ZNF552: variants seen among roughly 807,000 people sequenced by gnomAD.
ZNF552 encodes zinc finger protein 552.
ZNF552 carries 2 observed loss-of-function variants against 7.2 expected under a neutral mutation model. That is an observed-to-expected ratio of 0.28 (90% CI 0.11 to 0.88). ZNF552 has a LOEUF of 0.88. ZNF552 is among the 40% of genes least tolerant of loss of function. The probability of loss-of-function intolerance (pLI) is 0.60; values close to 1 mark genes in which losing one functional copy is unlikely to be tolerated. For synonymous variants in ZNF552, 173 were observed against 176.5 expected, an observed-to-expected ratio of 0.98 and a Z score of 0.16; for missense variants, 421 against 493.4, an observed-to-expected ratio of 0.85 and a Z score of 1.39.
Position 57,814,907 on chromosome 19 carries a change from C to T in ZNF552, c.-164G>A. The T allele has an allele frequency of 1.3e-6, 1 of 748,556 alleles. No individual in the cohort carries two copies. 46.4% of individuals were successfully genotyped at this position (748,556 alleles called of 1,614,324 possible). A position where few individuals can be genotyped will look rare whatever the true frequency, so the allele number is the denominator to read the frequency against. ...ACTCCCTAACGCCAATGGAAATGGT[C>T]GCTACTAAAGGGCGCCGGGAGTCCC... On this transcript the variant is annotated 5_prime_UTR_variant, in exon 1 of 3. Transcript: ENST00000391701.
chr19:57,811,383 C>T (rs1488802876), intron 2 of ZNF552, among the ~76,000 whole-genome samples: 2 of 152,008 alleles, frequency 1.3e-5, no homozygotes, highest in African/African-American at 2.4e-5. Context: ...ACCGTGGTCT[C>T]AATCTCCTGA....
At chr19:57,813,158 A>G (rs1987888739) in intron 2 of ZNF552, 136 bp downstream of exon 2, 9 of 1,435,522 alleles carry the variant, frequency 6.3e-6, no homozygotes, top group Non-Finnish European at 8.4e-6. Context: ...CAGTATGCAT[A>G]CCTCAGTCCT....
chr19:57,812,437 C>T (rs1987875155), intron 2 of ZNF552, among the ~76,000 whole-genome samples: 1 of 151,836 alleles, frequency 6.6e-6, no homozygotes, highest in South Asian at 2.1e-4. Flanking sequence ...AGAAGATGAT[C>T]CCACCACCAA....
At position 57,808,197 on chromosome 19, in the gene ZNF552, T is replaced by C; in HGVS notation, c.1067A>G (p.Glu356Gly). The change falls in exon 3 of 3, where the codon GAA becomes GGA. Residue 356 changes from glutamate (E) to glycine (G), a missense_variant. By Grantham distance (98) the Glu-to-Gly change is moderately conservative (BLOSUM62 -2). This residue lies in a region of ZNF552 where 299 missense variants were observed against 293.7 expected (regional missense o/e 1.02). Transcript: ENST00000391701. Reference sequence around the variant, plus strand: ...GCTTTCGGCAAAAGATTTCCCACATTCACTGCACTCATAAGGCTTCTGACC... The same window carrying C: ...GCTTTCGGCAAAAGATTTCCCACATCCACTGCACTCATAAGGCTTCTGACC... ...HTGQKPYECS[E>G]CGKSFAESSS... The C allele has an allele frequency of 6.2e-7, 1 of 1,614,134 alleles. No homozygotes were observed. Among genetic ancestry groups the C allele is most frequent in the African/African-American group, 1.3e-5 (1 of 75,026 alleles).
rs1987872119 is a variant in ZNF552, at chr19:57,812,227, C to G, written c.160+1067G>C. Among the ~76,000 whole-genome samples, 4 of 151,706 alleles carry G rather than the reference C, an allele frequency of 2.6e-5. No homozygotes were observed. In the South Asian group the frequency reaches 8.3e-4, roughly 32 times the overall value. On this transcript the variant is annotated intron_variant, in intron 2 of 2. Transcript: ENST00000391701. ...AAAAACAAACAAACAAAACCAAAAACAAGAATGAAGGAGAAAAGACGATAC... is the reference window on the plus strand; with the variant it reads ...AAAAACAAACAAACAAAACCAAAAAGAAGAATGAAGGAGAAAAGACGATAC...
chr19:57,814,658 A>AG (rs1346771307), intron 1 of ZNF552, 53 bp downstream of exon 1: 12 of 1,613,810 alleles, frequency 7.4e-6, no homozygotes, highest in Non-Finnish European at 9.3e-6. Context: ...TCGCTGCTTT[A>AG]GGACTTGTGT....
intron 2 of ZNF552, 173 bp downstream of exon 2, chr19:57,813,120 GT>G: frequency 8.9e-7 from 1 of 1,126,870 alleles, no homozygotes; most frequent in African/African-American, 1.6e-5. Flanking sequence ...AATAGCAGGT[GT>G]TGGGGCTGCT....
intron 2 of ZNF552, 164 bp downstream of exon 2, chr19:57,813,130 C>T: frequency 8.1e-7 from 1 of 1,234,686 alleles, no homozygotes; most frequent in Non-Finnish European, 1.1e-6. Context: ...GTTGGGGCTG[C>T]TCCAAGAATG....
Position 57,807,686 on chromosome 19 carries a change from C to T in ZNF552, c.*354G>A. On this transcript the variant is annotated 3_prime_UTR_variant, in exon 3 of 3. Transcript: ENST00000391701. ...CCAGACTGGACTGCAGTGTTGCAAT[C>T]TCGGCTCACTGCAACCTCTGCCTCC... 4.5e-6 allele frequency: 1 copy of T among 221,840 alleles called. No homozygotes were observed. The highest frequency in any genetic ancestry group is 9.0e-6 in the Non-Finnish European group (1 of 111,678). The allele number at this position is 221,840 out of a possible 1,614,324, so 13.7% of individuals were successfully genotyped here.
Position 57,814,759 on chromosome 19 carries a change from A to AAGCTGGGTTGAGAGC in ZNF552, c.-31_-17dup. The AAGCTGGGTTGAGAGC allele has an allele frequency of 6.2e-7, 1 of 1,613,554 alleles. No homozygotes were observed. The highest frequency in any genetic ancestry group is 8.5e-7 in the Non-Finnish European group (1 of 1,179,840). On this transcript the variant is annotated 5_prime_UTR_variant, in exon 1 of 3. Coordinates refer to ENST00000391701, the MANE Select transcript of ZNF552 (RefSeq NM_024762.3). ...CCGCCGCCATGGGACCACGTGGGGTAAGCTGGGTTGAGAGCAGCGGGCGCC... is the reference window on the plus strand; with the variant it reads ...CCGCCGCCATGGGACCACGTGGGGTAAGCTGGGTTGAGAGCAGCTGGGTTGAGAGCAGCGGGCGCC...
Position 57,813,399 on chromosome 19 carries a change from C to G in ZNF552, c.55G>C (p.Val19Leu). Residue 19 changes from valine to leucine, a missense_variant, in exon 2 of 3, where the codon GTG (valine) becomes CTG (leucine). Coordinates refer to ENST00000391701, the MANE Select transcript of ZNF552 (RefSeq NM_024762.3). ...PVQGTVTFED[V>L]AVKFTQEEWN... ...TCCTCCTGGGTAAATTTCACAGCCA[C>G]GTCTTCAAAAGTCACTGTGCCCTGT... 1 of 1,614,062 alleles carries G rather than the reference C, an allele frequency of 6.2e-7. No homozygotes were observed. The highest frequency in any genetic ancestry group is 1.1e-5 in the South Asian group (1 of 91,068).
chr19:57,808,652 CAG>C lies in ZNF552; in HGVS notation c.610_611del (p.Leu204ValfsTer18), dbSNP rs1987791236. 1 of 1,614,134 alleles carries C rather than the reference CAG, an allele frequency of 6.2e-7. No homozygotes were observed. ...KSNSKTECVSLFHGGKSHYSC... is the reference protein window; with the variant it reads ...KSNSKTECVSXFHGGKSHYSC... ...TGTAATGGCTTTTTCCCCCATGAAACAGAGACACACACTCAGTTTTGCTGTTT... is the reference window on the plus strand; with the variant it reads ...TGTAATGGCTTTTTCCCCCATGAAACAGACACACACTCAGTTTTGCTGTTT... On this transcript the variant is annotated frameshift_variant, in exon 3 of 3. Transcript: ENST00000391701. LOFTEE classifies it low-confidence loss of function (END_TRUNC).
At chr19:57,809,288 G>A (rs1460919087) in intron 2 of ZNF552, 185 bp from the exon 3 acceptor site, 3 of 1,420,698 alleles carry the variant, frequency 2.1e-6, no homozygotes, top group East Asian at 2.5e-5. Flanking sequence ...CAGAATGTAG[G>A]AGGCCTCATA....
At chr19:57,813,190 G>T in intron 2 of ZNF552, 104 bp downstream of exon 2, 3 of 1,549,774 alleles carry the variant, frequency 1.9e-6, no homozygotes, top group Non-Finnish European at 2.6e-6. Flanking sequence ...ACTGAAGTAG[G>T]AAGCTGTGTC....
intron 2 of ZNF552, among the ~76,000 whole-genome samples, chr19:57,811,318 C>T (rs1987852760): frequency 1.3e-5 from 2 of 152,104 alleles, no homozygotes; most frequent in Admixed American, 6.6e-5. Flanking sequence ...GGACTACAGG[C>T]GCCCGCCACC....
chr19:57,813,003 G>A (rs966747956), intron 2 of ZNF552: 5 of 462,772 alleles, frequency 1.1e-5, no homozygotes, highest in South Asian at 4.3e-5. Flanking sequence ...ATTAGATCCC[G>A]AACCTGAAAT....
intron 2 of ZNF552, among the ~76,000 whole-genome samples, chr19:57,811,891 T>C (rs1312230572): frequency 1.3e-5 from 2 of 150,798 alleles, no homozygotes; most frequent in South Asian, 2.1e-4. Context: ...TAGCCAGGCG[T>C]GGTGGTGCAC....
At chr19:57,812,531 A>G (rs1987876984) in intron 2 of ZNF552, among the ~76,000 whole-genome samples, 1 of 152,152 alleles carries the variant, frequency 6.6e-6, no homozygotes, top group Non-Finnish European at 1.5e-5. Flanking sequence ...GCTTAGAACA[A>G]CTCAGCACAT....
chr19:57,808,140 G>A lies in ZNF552; in HGVS notation c.1124C>T (p.Thr375Ile), dbSNP rs766828769. Reference protein sequence around the residue: ...SSLTKHRRVHTGEKPYGCSEC... With the variant: ...SSLTKHRRVHIGEKPYGCSEC... ...ACTGCACCCGTAAGGCTTTTCTCCAGTGTGAACTCTCCTGTGTTTAGTGAG... is the reference window on the plus strand; with the variant it reads ...ACTGCACCCGTAAGGCTTTTCTCCAATGTGAACTCTCCTGTGTTTAGTGAG... Residue 375 changes from threonine to isoleucine, a missense_variant, in exon 3 of 3, where the codon ACT becomes ATT. Thr to Ile is a moderately conservative substitution (Grantham distance 89). Transcript: ENST00000391701. 1 of 1,614,146 alleles carries A rather than the reference G, an allele frequency of 6.2e-7. No homozygotes were observed. Among genetic ancestry groups the A allele is most frequent in the South Asian group, 1.1e-5 (1 of 91,082 alleles).
Sources: gnomAD v4.1 joint callset for allele counts (sites outside exome capture counted in the v4.1 genomes callset) on GRCh38, gnomAD v4.1.1 for gene constraint, gnomAD v4.1.1 regional missense constraint, MANE v1.5 for transcripts, NCBI Gene and HGNC (gene_info 2026-07-23, HGNC 2026-07-21) for gene names.